Variants in DNAJB11 observed in about 807,000 individuals in gnomAD.
The protein encoded by DNAJB11 is dnaJ homolog subfamily B member 11.
A neutral mutation model predicts 47.2 loss-of-function variants in DNAJB11; 30 were observed. The ratio of observed to expected loss-of-function variants is 0.64; its 90% CI spans 0.48 to 0.86. DNAJB11 has a LOEUF of 0.86. DNAJB11 is among the 40% of genes least tolerant of loss of function. The pLI, the probability that DNAJB11 is intolerant of heterozygous loss-of-function variation, is 0.00. For synonymous variants in DNAJB11, 151 were observed against 159.9 expected (o/e 0.94, Z 0.42); for missense variants, 357 against 440.2 (o/e 0.81, Z 1.69).
At chr3:186,581,876 G>C (rs1715497516) in intron 5 of DNAJB11, 119 bp from the exon 6 acceptor site, 2 of 792,984 alleles carry the variant, frequency 2.5e-6, no homozygotes, top group Admixed American at 2.8e-5. Context: ...TTGTCAAGTA[G>C]AGGCACACTA....
At chr3:186,572,653 A>T (rs534312460) in intron 2 of DNAJB11, among the ~76,000 whole-genome samples, 1 of 152,262 alleles carries the variant, frequency 6.6e-6, no homozygotes, top group African/African-American at 2.4e-5. Flanking sequence ...GAAAGCCTTC[A>T]TGAGAGTTGC....
Position 186,584,602 on chromosome 3 carries a change from A to ATTGGGTGTGTGTGTGTGT in DNAJB11, c.1012+13_1012+14insTTGGGTGTGTGTGTGTGT. On this transcript the variant is annotated intron_variant, in intron 9 of 9. Coordinates refer to ENST00000265028, the MANE Select transcript of DNAJB11 (RefSeq NM_016306.6). Reference sequence around the variant, plus strand: ...GAAGCGAGAGAAGGTATGGCATATTAGTGTGTGTGTGTGTGTGTGTTTGTG... The same window carrying ATTGGGTGTGTGTGTGTGT: ...GAAGCGAGAGAAGGTATGGCATATTATTGGGTGTGTGTGTGTGTGTGTGTGTGTGTGTGTGTGTTTGTG... 1 of 1,468,850 alleles carries ATTGGGTGTGTGTGTGTGT rather than the reference A, an allele frequency of 6.8e-7. No individual in the cohort carries two copies. Among genetic ancestry groups the ATTGGGTGTGTGTGTGTGT allele is most frequent in the Non-Finnish European group, 9.1e-7 (1 of 1,099,956 alleles). The allele number at this position is 1,468,850 out of a possible 1,614,324, so 91.0% of individuals were successfully genotyped here.
chr3:186,582,085 A>G lies in DNAJB11; in HGVS notation c.682+8A>G. Reference sequence around the variant, plus strand: ...ACCCCTTTATTGGAGAAGGTGAAATATTGATATTTGATTTTTTGATTGTGA... The same window carrying G: ...ACCCCTTTATTGGAGAAGGTGAAATGTTGATATTTGATTTTTTGATTGTGA... On this transcript the variant is annotated splice_region_variant and intron_variant, in intron 6 of 9. Transcript: ENST00000265028. The G allele has an allele frequency of 6.2e-7, 1 of 1,606,904 alleles. No individual in the cohort carries two copies. Among genetic ancestry groups the G allele is most frequent in the East Asian group, 2.2e-5 (1 of 44,794 alleles).
chr3:186,583,945 A>G lies in DNAJB11; in HGVS notation c.821A>G (p.Glu274Gly), dbSNP rs1484578949. Reference sequence around the variant, plus strand: ...TTAGTTGAGTCACTGGTTGGCTTTGAGATGGATATTACTCACTTGGATGGT... The same window carrying G: ...TTAGTTGAGTCACTGGTTGGCTTTGGGATGGATATTACTCACTTGGATGGT... ...ISLVESLVGF[E>G]MDITHLDGHK... The change falls in exon 8 of 10, where the codon GAG becomes GGG. Residue 274 changes from glutamate to glycine, a missense_variant. Glu to Gly is a moderately conservative substitution (Grantham distance 98). Transcript: ENST00000265028. The G allele has an allele frequency of 3.1e-6, 5 of 1,613,514 alleles. No individual in the cohort carries two copies. The South Asian group carries it at 4.4e-5, about 14-fold the overall frequency.
intron 1 of DNAJB11, among the ~76,000 whole-genome samples, chr3:186,571,540 G>T (rs1346650652): frequency 6.6e-6 from 1 of 152,194 alleles, no homozygotes; most frequent in South Asian, 2.1e-4. Flanking sequence ...GGAACAAGAA[G>T]ATCTTTAGAC....
chr3:186,579,011 G>A (rs574600666), intron 4 of DNAJB11: 33 of 152,300 alleles, frequency 2.2e-4, no homozygotes, highest in African/African-American at 7.7e-4. Context: ...GAGGCCAGGA[G>A]TTTGAGGCTA....
intron 9 of DNAJB11, 40 bp downstream of exon 9, chr3:186,584,629 G>GTGTT: frequency 6.7e-7 from 1 of 1,494,486 alleles, no homozygotes; most frequent in South Asian, 1.4e-5. Context: ...GTGTTTGTGT[G>GTGTT]TGTGTATGTG....
At chr3:186,571,786 G>C (rs1715067307) in intron 1 of DNAJB11, among the ~76,000 whole-genome samples, 1 of 152,180 alleles carries the variant, frequency 6.6e-6, no homozygotes, top group South Asian at 2.1e-4. Context: ...GATAACATGA[G>C]ACCATAAAAT....
At chr3:186,573,799 G>A (rs185773001) in intron 2 of DNAJB11, among the ~76,000 whole-genome samples, 3 of 152,252 alleles carry the variant, frequency 2.0e-5, no homozygotes, top group African/African-American at 7.2e-5. Context: ...TCTATATTTT[G>A]CACTGTATTT....
chr3:186,577,534 TAA>T, intron 3 of DNAJB11, 132 bp from the exon 4 acceptor site: 1 of 809,192 alleles, frequency 1.2e-6, no homozygotes, highest in East Asian at 2.8e-5. Context: ...TCCATTGTAT[TAA>T]AAAATACCTT....
rs1715351545 is a variant in DNAJB11 at position 186,577,784 on chromosome 3, C to A, written c.440C>A (p.Ala147Glu). 1 of 1,599,276 alleles carries A rather than the reference C, an allele frequency of 6.3e-7. No individual in the cohort carries two copies. The highest frequency in any genetic ancestry group is 8.5e-7 in the Non-Finnish European group (1 of 1,174,948). The change falls in exon 4 of 10, where the codon GCA (alanine) becomes GAA (glutamate). Residue 147 changes from alanine (A) to glutamate (E), a missense_variant. Physicochemically the swap from Ala to Glu is moderately radical, Grantham distance 107 (BLOSUM62 -1). Transcript: ENST00000265028. ...DLEVTLEEVY[A>E]GNFVEVVRNK... is the part of the protein sequence containing the mutation. ...GAAGTCACTTTGGAAGAAGTATATGCAGGAAATTTTGTGGAAGTAAGTTCA... is the reference window on the plus strand; with the variant it reads ...GAAGTCACTTTGGAAGAAGTATATGAAGGAAATTTTGTGGAAGTAAGTTCA...
Position 186,584,412 on chromosome 3 carries a change from T to C in DNAJB11, c.853-18T>C, listed in dbSNP as rs1715599069. Reference sequence around the variant, plus strand: ...GATGTACCGCTCCTGCTGCAGTACATTCCCTTTGGTTTTCTAGGTACATAT... The same window carrying C: ...GATGTACCGCTCCTGCTGCAGTACACTCCCTTTGGTTTTCTAGGTACATAT... On this transcript the variant is annotated intron_variant, in intron 8 of 9. Coordinates refer to ENST00000265028, the MANE Select transcript of DNAJB11 (RefSeq NM_016306.6). The C allele has an allele frequency of 6.5e-7, 1 of 1,534,804 alleles. No homozygotes were observed. Among genetic ancestry groups the C allele is most frequent in the African/African-American group, 1.4e-5 (1 of 70,994 alleles).
At chr3:186,576,188 C>T (rs115272890) in intron 3 of DNAJB11, among the ~76,000 whole-genome samples, 543 of 152,312 alleles carry the variant, frequency 3.6e-3, no homozygotes, top group African/African-American at 0.012. Context: ...AGACAATTCA[C>T]GGGGACATGT....
chr3:186,575,368 C>CGTGCGT (rs1715246539), intron 2 of DNAJB11, among the ~76,000 whole-genome samples: 1 of 143,358 alleles, frequency 7.0e-6, no homozygotes, highest in African/African-American at 2.7e-5. Context: ...CGCGCGCGCG[C>CGTGCGT]GTGTGTGTGT....
intron 4 of DNAJB11, chr3:186,578,556 CT>C (rs1440293482): frequency 6.6e-6 from 1 of 152,146 alleles, no homozygotes; most frequent in Non-Finnish European, 1.5e-5. Flanking sequence ...TATTAGACTT[CT>C]TAATTTTTGC....
chr3:186,572,149 TA>T lies in DNAJB11; in HGVS notation c.128del (p.Lys43ArgfsTer6). Reference sequence around the variant, plus strand: ...CTCGAAGTGCCTCTATAAAGGATATTAAAAAGGCCTATAGGAAACTAGCCCT... The same window carrying T: ...CTCGAAGTGCCTCTATAAAGGATATTAAAAGGCCTATAGGAAACTAGCCCT... ...VPRSASIKDI[K>X]KAYRKLALQL... On this transcript the variant is annotated frameshift_variant, in exon 2 of 10. Transcript: ENST00000265028. LOFTEE classifies it high-confidence loss of function. The T allele has an allele frequency of 6.2e-7, 1 of 1,612,858 alleles. No individual in the cohort carries two copies. The highest frequency in any genetic ancestry group is 1.1e-5 in the South Asian group (1 of 90,816).
intron 2 of DNAJB11, among the ~76,000 whole-genome samples, chr3:186,573,178 T>G (rs1578984363): frequency 6.6e-6 from 1 of 152,170 alleles, no homozygotes; most frequent in African/African-American, 2.4e-5. Flanking sequence ...ACTCCTGAAT[T>G]TAAGTTTAAA....
In DNAJB11 at chr3:186,570,830, G is replaced by T. The variant is rs569655075; in HGVS notation, c.-68G>T. 44 of 1,503,464 alleles carry T rather than the reference G, an allele frequency of 2.9e-5. No homozygotes were observed. The Admixed American group carries it at 6.9e-4, about 24-fold the overall frequency. The allele number at this position is 1,503,464 out of a possible 1,614,324, so 93.1% of individuals were successfully genotyped here. ...GCGGCCTCACAGGGCCGGGTGGGCT[G>T]GCGAGCCGACGCGGCGGCGGAGGAG... is the stretch of plus-strand genomic sequence containing the variant. On this transcript the variant is annotated 5_prime_UTR_variant, in exon 1 of 10. Coordinates refer to ENST00000265028, the MANE Select transcript of DNAJB11 (RefSeq NM_016306.6).
intron 4 of DNAJB11, chr3:186,578,328 A>G (rs2108480586): frequency 6.6e-6 from 1 of 152,272 alleles, no homozygotes; most frequent in South Asian, 2.1e-4. Context: ...TCAATTCCAA[A>G]CAGCGCTTTT....
Sources: gnomAD v4.1 joint callset for allele counts (sites outside exome capture counted in the v4.1 genomes callset) on GRCh38, gnomAD v4.1.1 for gene constraint, MANE v1.5 for transcripts, NCBI Gene and HGNC (gene_info 2026-07-23, HGNC 2026-07-21) for gene names.